SRPK2: variants seen among roughly 807,000 people sequenced by gnomAD.
SRPK2 encodes SRSF protein kinase 2.
Under a neutral mutation model 90.8 loss-of-function variants are expected in SRPK2, and 21 were observed. The ratio of observed to expected loss-of-function variants is 0.23; its 90% CI spans 0.16 to 0.33. The LOEUF (loss-of-function observed/expected upper bound fraction) is 0.33. Ranked by LOEUF, SRPK2 falls within the 10% of genes least tolerant of loss-of-function variation. The probability of loss-of-function intolerance (pLI) is 1.00; values close to 1 mark genes in which losing one functional copy is unlikely to be tolerated. For synonymous variants in SRPK2, 288 were observed against 311.1 expected (o/e 0.93, Z 0.78); for missense variants, 620 against 869.0 (o/e 0.71, Z 3.60).
At chr7:105,119,713 G>C (rs1800057112) in intron 15 of SRPK2, among the ~76,000 whole-genome samples, 1 of 152,296 alleles carries the variant, frequency 6.6e-6, no homozygotes, top group Admixed American at 6.5e-5. Flanking sequence ...TCTGAACAGA[G>C]ACTGCAGGTT....
intron 13 of SRPK2, among the ~76,000 whole-genome samples, chr7:105,130,440 C>T (rs1351342218): frequency 1.3e-5 from 2 of 152,052 alleles, no homozygotes; most frequent in Non-Finnish European, 2.9e-5. Context: ...GTCCCAGCTA[C>T]ACCAGAGGCT....
At chr7:105,121,593 C>G (rs1015858052) in intron 15 of SRPK2, among the ~76,000 whole-genome samples, 1 of 152,162 alleles carries the variant, frequency 6.6e-6, no homozygotes, top group Non-Finnish European at 1.5e-5. Context: ...ATGAGCCTGG[C>G]AGCCAATTGT....
At chr7:105,291,044 C>CAA (rs10684672) in intron 2 of SRPK2, among the ~76,000 whole-genome samples, 1,220 of 83,694 alleles carry the variant, frequency 0.015, 53 homozygotes, top group African/African-American at 0.055. Flanking sequence ...GACTCCGTCT[C>CAA]AAAAAAAAAA....
At chr7:105,311,577 G>A (rs2131390814) in intron 2 of SRPK2, among the ~76,000 whole-genome samples, 1 of 152,222 alleles carries the variant, frequency 6.6e-6, no homozygotes, top group Admixed American at 6.5e-5. Context: ...ATATAAAAAT[G>A]GCCAAAAACA....
chr7:105,156,695 G>A (rs1239815756), intron 7 of SRPK2, among the ~76,000 whole-genome samples: 4 of 152,022 alleles, frequency 2.6e-5, no homozygotes, highest in Non-Finnish European at 4.4e-5. Context: ...GTAGAGACAC[G>A]GTCTTGCGAT....
chr7:105,187,934 G>T (rs1793797198), intron 3 of SRPK2, among the ~76,000 whole-genome samples: 6 of 152,142 alleles, frequency 3.9e-5, no homozygotes. Flanking sequence ...AGATAGGATT[G>T]CTGGTGGGAA....
intron 7 of SRPK2, among the ~76,000 whole-genome samples, chr7:105,159,460 A>AAAAAAAAAAAAAAAAC (rs1490615748): frequency 1.4e-5 from 2 of 147,948 alleles, no homozygotes; most frequent in African/African-American, 4.9e-5. Flanking sequence ...AAAAAAAAAA[A>AAAAAAAAAAAAAAAAC]AAAAAAAAAA....
chr7:105,220,141 T>C (rs1050995891), intron 2 of SRPK2, among the ~76,000 whole-genome samples: 23 of 152,316 alleles, frequency 1.5e-4, no homozygotes, highest in African/African-American at 4.8e-4. Flanking sequence ...AAACTAAACA[T>C]AGGGAAAAAT....
At chr7:105,175,712 A>G (rs1435930134) in intron 3 of SRPK2, among the ~76,000 whole-genome samples, 1 of 152,128 alleles carries the variant, frequency 6.6e-6, no homozygotes, top group African/African-American at 2.4e-5. Flanking sequence ...TTGAGGTATT[A>G]AAAAGATAGA....
intron 2 of SRPK2, among the ~76,000 whole-genome samples, chr7:105,210,414 G>A (rs185253371): frequency 3.3e-5 from 5 of 152,040 alleles, no homozygotes; most frequent in African/African-American, 1.2e-4. Context: ...GGTAATTACT[G>A]TCAGCTTGAG....
chr7:105,265,096 C>G (rs1804858453), intron 2 of SRPK2, among the ~76,000 whole-genome samples: 1 of 152,158 alleles, frequency 6.6e-6, no homozygotes, highest in Non-Finnish European at 1.5e-5. Context: ...ACCATTCCTT[C>G]TACACACAAC....
chr7:105,372,136 TAAAAAAAAAAAA>T (rs55928342), intron 2 of SRPK2, among the ~76,000 whole-genome samples: 16 of 76,780 alleles, frequency 2.1e-4, no homozygotes, highest in South Asian at 1.5e-3. Context: ...CTCCAACTCA[TAAAAAAAAAAAA>T]AAAAAAAAAA....
At position 105,117,201 on chromosome 7, in the gene SRPK2, A is replaced by G. The variant is rs542463730; in HGVS notation, c.*637T>C. The G allele has an allele frequency of 1.1e-4, 17 of 152,482 alleles. No homozygotes were observed. Among genetic ancestry groups the G allele is most frequent in the Admixed American group, 9.8e-4 (15 of 15,296 alleles). The allele number at this position is 152,482 out of a possible 1,614,324, so 9.4% of individuals were successfully genotyped here. On this transcript the variant is annotated 3_prime_UTR_variant, in exon 16 of 16. Coordinates refer to ENST00000393651, the MANE Select transcript of SRPK2 (RefSeq NM_182692.3). ...GCCACTTTGTTTAAAATCCAATGTG[A>G]AAAGACTGTTATGGAATGAAAAGTT...
At chr7:105,227,893 C>CAAAAAAAAAAAAAAAAAAAAAA (rs566478716) in intron 2 of SRPK2, among the ~76,000 whole-genome samples, 4 of 84,682 alleles carry the variant, frequency 4.7e-5, no homozygotes, top group South Asian at 4.3e-4. Flanking sequence ...TATCATTCAG[C>CAAAAAAAAAAAAAAAAAAAAAA]AAAAAAAAAA....
At chr7:105,339,115 G>A (rs148441730) in intron 2 of SRPK2, among the ~76,000 whole-genome samples, 136 of 152,136 alleles carry the variant, frequency 8.9e-4, no homozygotes, top group African/African-American at 3.1e-3. Context: ...ATTCAAGTAC[G>A]CGCCTTTGAT....
chr7:105,354,244 T>C (rs1036375619), intron 2 of SRPK2, among the ~76,000 whole-genome samples: 5 of 152,170 alleles, frequency 3.3e-5, no homozygotes, highest in Non-Finnish European at 7.4e-5. Flanking sequence ...CCTCCATTCA[T>C]TCTTCTCTGG....
intron 2 of SRPK2, among the ~76,000 whole-genome samples, chr7:105,381,288 G>T (rs1820919238): frequency 6.6e-6 from 1 of 151,758 alleles, no homozygotes; most frequent in Non-Finnish European, 1.5e-5. Flanking sequence ...ATATTAAAAT[G>T]AAATCTGGCC....
At chr7:105,167,706 G>T (rs1007777088) in intron 5 of SRPK2, among the ~76,000 whole-genome samples, 13 of 152,000 alleles carry the variant, frequency 8.6e-5, no homozygotes, top group African/African-American at 3.1e-4. Context: ...TGCCTCCCAG[G>T]TTCAAGTGAT....
intron 2 of SRPK2, among the ~76,000 whole-genome samples, chr7:105,232,457 C>CT (rs1554470482): frequency 3.7e-3 from 70 of 18,926 alleles, no homozygotes; most frequent in South Asian, 0.012. Context: ...GAAACCTTAT[C>CT]TAAAAAAAAA....
Sources: gnomAD v4.1 joint callset for allele counts (sites outside exome capture counted in the v4.1 genomes callset) on GRCh38, gnomAD v4.1.1 for gene constraint, MANE v1.5 for transcripts, NCBI Gene and HGNC (gene_info 2026-07-23, HGNC 2026-07-21) for gene names.